Variants in ARPC1A observed in about 807,000 individuals in gnomAD.
The protein encoded by ARPC1A is actin-related protein 2/3 complex subunit 1A.
Under a neutral mutation model 46.9 loss-of-function variants are expected in ARPC1A, and 8 were observed. The observed-to-expected ratio is 0.17, with a 90% CI of 0.10 to 0.31. The LOEUF (loss-of-function observed/expected upper bound fraction) is 0.31, where lower values mean the gene tolerates loss of function less well. Ranked by LOEUF, ARPC1A falls within the 10% of genes least tolerant of loss-of-function variation. The pLI is 1.00. For synonymous variants in ARPC1A, 152 were observed against 169.0 expected, an observed-to-expected ratio of 0.90 and a Z score of 0.78; for missense variants, 286 against 483.6, an observed-to-expected ratio of 0.59 and a Z score of 3.83.
chr7:99,349,153 C>T (rs112122258), intron 5 of ARPC1A, among the ~76,000 whole-genome samples, 194 bp downstream of exon 5: 58 of 152,216 alleles, frequency 3.8e-4, no homozygotes, highest in African/African-American at 1.2e-3. Context: ...TGGGCTCAAG[C>T]GATCCTCCAG....
intron 1 of ARPC1A, among the ~76,000 whole-genome samples, chr7:99,330,737 T>G (rs1355365153): frequency 6.6e-6 from 1 of 152,206 alleles, no homozygotes; most frequent in African/African-American, 2.4e-5. Flanking sequence ...CATTTCCTGC[T>G]TGCATCAGAA....
intron 1 of ARPC1A, among the ~76,000 whole-genome samples, chr7:99,332,759 GCCCGGC>G (rs879608903): frequency 0.037 from 5,541 of 151,570 alleles, 110 homozygotes; most frequent in Admixed American, 0.048. Context: ...CCGCTACCAT[GCCCGGC>G]TAATTTTTTG....
At chr7:99,333,685 T>C (rs1226701157) in intron 2 of ARPC1A, among the ~76,000 whole-genome samples, 1 of 152,156 alleles carries the variant, frequency 6.6e-6, no homozygotes, top group South Asian at 2.1e-4. Flanking sequence ...CAGAGACAAG[T>C]GGTTTGCTCC....
chr7:99,361,387 C>T (rs1002696347), intron 8 of ARPC1A, among the ~76,000 whole-genome samples: 2 of 151,676 alleles, frequency 1.3e-5, no homozygotes, highest in Admixed American at 6.6e-5. Flanking sequence ...ACCTGTAGTC[C>T]CAGCTACTTG....
At chr7:99,355,753 A>G (rs1381244154) in intron 6 of ARPC1A, among the ~76,000 whole-genome samples, 1 of 152,162 alleles carries the variant, frequency 6.6e-6, no homozygotes, top group East Asian at 1.9e-4. Flanking sequence ...CAAAAAAAAA[A>G]AGGCTAGTTT....
Position 99,359,747 on chromosome 7 carries a change from C to T in ARPC1A, c.983+9C>T, listed in dbSNP as rs368731088. The T allele has an allele frequency of 5.3e-4, 860 of 1,613,950 alleles. 7 individuals carry two copies. The highest frequency in any genetic ancestry group is 5.2e-3 in the South Asian group (476 of 91,060). On this transcript the variant is annotated intron_variant, in intron 8 of 9. Transcript: ENST00000262942. The stretch of plus-strand genomic sequence containing the variant: ...CACCAGAATAGCATCACGTAGGTGC[C>T]GTCTGTAGAGAGGTGGTCAGGTGAC...
At chr7:99,362,360 G>C (rs1254756890) in intron 8 of ARPC1A, among the ~76,000 whole-genome samples, 3 of 137,062 alleles carry the variant, frequency 2.2e-5, no homozygotes, top group Non-Finnish European at 4.6e-5. Context: ...TTTTGAGATG[G>C]AGTCTCTGTC....
intron 6 of ARPC1A, among the ~76,000 whole-genome samples, chr7:99,355,760 G>A (rs1310034192): frequency 3.9e-5 from 6 of 151,936 alleles, no homozygotes; most frequent in African/African-American, 1.5e-4. Context: ...AAAAAGGCTA[G>A]TTTAGTCTGT....
At chr7:99,362,541 A>C in intron 8 of ARPC1A, among the ~76,000 whole-genome samples, 2 of 137,500 alleles carry the variant, frequency 1.5e-5, no homozygotes, top group African/African-American at 5.6e-5. Flanking sequence ...ACAGAGTTTC[A>C]CTGTGTTAGT....
At chr7:99,328,200 T>C (rs536516593) in intron 1 of ARPC1A, among the ~76,000 whole-genome samples, 1 of 151,864 alleles carries the variant, frequency 6.6e-6, no homozygotes, top group African/African-American at 2.4e-5. Context: ...AGAAACCCCG[T>C]CTCTACTAAA....
chr7:99,360,382 A>T (rs553590995), intron 8 of ARPC1A: 1 of 151,526 alleles, frequency 6.6e-6, no homozygotes, highest in Admixed American at 6.6e-5. Flanking sequence ...CTGGAGTGCA[A>T]TGCCACAATC....
At chr7:99,345,572 T>C (rs2150866339) in intron 4 of ARPC1A, among the ~76,000 whole-genome samples, 1 of 151,964 alleles carries the variant, frequency 6.6e-6, no homozygotes, top group Non-Finnish European at 1.5e-5. Context: ...GCAGGAGAAT[T>C]ACTTGAACTC....
In ARPC1A at chr7:99,344,529, G is replaced by A; in HGVS notation, c.392+14G>A. 1.9e-6 allele frequency: 3 copies of A among 1,612,740 alleles called. No individual in the cohort carries two copies. The South Asian group carries it at 3.3e-5, about 18-fold the overall frequency. ...TGAAAATGACTGGTGAGTGACATCT[G>A]AATTTTTTCTATCCCTCTCTATAGA... is the stretch of plus-strand genomic sequence containing the variant. On this transcript the variant is annotated intron_variant, in intron 4 of 9. Transcript: ENST00000262942.
intron 5 of ARPC1A, 108 bp from the exon 6 acceptor site, chr7:99,353,801 A>T (rs1006660076): frequency 1.8e-5 from 20 of 1,092,070 alleles, no homozygotes; most frequent in Middle Eastern, 4.2e-4. Flanking sequence ...TTTTTTAATG[A>T]GTCAACCTCT....
intron 1 of ARPC1A, among the ~76,000 whole-genome samples, 184 bp downstream of exon 1, chr7:99,326,188 C>T (rs371162093): frequency 1.3e-5 from 2 of 152,134 alleles, no homozygotes; most frequent in African/African-American, 4.8e-5. Context: ...CGTGGATCCC[C>T]TGCAGCTTTT....
Position 99,366,060 on chromosome 7 carries a change from G to T in ARPC1A, c.*131G>T. On this transcript the variant is annotated 3_prime_UTR_variant, in exon 10 of 10. Transcript: ENST00000262942. ...TATCACGCCAATGCCGTGTGGTTTTGTTTGAATATAAAATTGGTGAAAGTG... is the reference window on the plus strand; with the variant it reads ...TATCACGCCAATGCCGTGTGGTTTTTTTTGAATATAAAATTGGTGAAAGTG... The T allele has an allele frequency of 8.9e-7, 1 of 1,121,194 alleles. No individual in the cohort carries two copies. Among genetic ancestry groups the T allele is most frequent in the Non-Finnish European group, 1.2e-6 (1 of 807,364 alleles). The allele number at this position is 1,121,194 out of a possible 1,614,324, so 69.5% of individuals were successfully genotyped here. A position where few individuals can be genotyped will look rare whatever the true frequency, so the allele number is the denominator to read the frequency against.
At chr7:99,326,613 T>C (rs1179996605) in intron 1 of ARPC1A, among the ~76,000 whole-genome samples, 4 of 152,256 alleles carry the variant, frequency 2.6e-5, no homozygotes, top group Non-Finnish European at 4.4e-5. Flanking sequence ...ACCACTTTGT[T>C]GAGTGATCCT....
At chr7:99,363,675 CTTTTT>C in intron 9 of ARPC1A, 42 bp downstream of exon 9, 7 of 1,100,996 alleles carry the variant, frequency 6.4e-6, no homozygotes, top group East Asian at 2.8e-5. Context: ...TGTGTTAAAA[CTTTTT>C]TTTTTTTTTT....
chr7:99,351,387 T>G lies in ARPC1A; in HGVS notation c.500+2428T>G, dbSNP rs1793540039. ...CACCACCATGCCTGGCTAATTTTTT[T>G]TTTTGTATTTTAGTAGAGACAGGGT... On this transcript the variant is annotated intron_variant, in intron 5 of 9. Coordinates refer to ENST00000262942, the MANE Select transcript of ARPC1A (RefSeq NM_006409.4). Among the ~76,000 whole-genome samples, 3 of 152,032 alleles carry G rather than the reference T, an allele frequency of 2.0e-5. No individual in the cohort carries two copies. In the South Asian group the frequency reaches 6.2e-4, roughly 32 times the overall value.
Sources: gnomAD v4.1 joint callset for allele counts (sites outside exome capture counted in the v4.1 genomes callset) on GRCh38, gnomAD v4.1.1 for gene constraint, MANE v1.5 for transcripts, NCBI Gene and HGNC (gene_info 2026-07-23, HGNC 2026-07-21) for gene names.